The following SATB1 variants were observed in gnomAD, a reference collection of about 807,000 sequenced individuals.
SATB1 encodes DNA-binding protein SATB1.
A neutral mutation model predicts 86.9 loss-of-function variants in SATB1; 11 were observed. That is an observed-to-expected ratio of 0.13 (90% confidence interval 0.08 to 0.21). The LOEUF is 0.21. Among genes scored for constraint, SATB1 ranks in the 10% least tolerant of loss-of-function variants. The pLI, the probability that SATB1 is intolerant of heterozygous loss-of-function variation, is 1.00. For synonymous variants in SATB1, 357 were observed against 357.2 expected (o/e 1.00, Z 0.01); for missense variants, 551 against 937.6 (o/e 0.59, Z 5.39).
chr3:18,439,453 G>A (rs1220849005), upstream of SATB1, among the ~76,000 whole-genome samples: 1 of 151,900 alleles, frequency 6.6e-6, no homozygotes, highest in East Asian at 1.9e-4. Context: ...AAAATAAACA[G>A]CAAAAGATAC....
At chr3:18,436,746 C>T (rs1166126615) in intron 2 of SATB1, 2 of 152,176 alleles carry the variant, frequency 1.3e-5, no homozygotes, top group Non-Finnish European at 2.9e-5. Flanking sequence ...ATAACACAGA[C>T]ATACCTTATT....
chr3:18,359,069 A>G (rs972500439), intron 9 of SATB1, among the ~76,000 whole-genome samples: 4 of 152,068 alleles, frequency 2.6e-5, no homozygotes, highest in African/African-American at 9.7e-5. Flanking sequence ...AGGAATACTC[A>G]CAGTCACTGG....
At position 18,394,837 on chromosome 3, in the gene SATB1, G is replaced by A; in HGVS notation, c.831C>T (p.Asn277=). The A allele has an allele frequency of 6.2e-7, 1 of 1,614,078 alleles. No individual in the cohort carries two copies. Among genetic ancestry groups the A allele is most frequent in the Non-Finnish European group, 8.5e-7 (1 of 1,180,006 alleles). The change falls in exon 7 of 11, where the codon AAC becomes AAT. Residue 277 remains asparagine, a synonymous_variant. Coordinates refer to ENST00000338745, the MANE Select transcript of SATB1 (RefSeq NM_002971.6). This position sits in a 1 kb window ranked among gnomAD's most constrained non-coding sequence, Gnocchi z 5.9. ...CAGGGGATGGAGGCTGCTCGGCTGT[G>A]TTCCCTGGAACTGGTTGCTGGCCAA... ...VNFGQQPVPG[N]TAEQPPSPAQ...
At chr3:18,445,151 G>A (rs1402496661) in intron 1 of SATB1, 2 of 898,966 alleles carry the variant, frequency 2.2e-6, no homozygotes, top group Non-Finnish European at 2.7e-6. Flanking sequence ...GAGCTTGTGC[G>A]GCGCGGGCTG....
chr3:18,405,102 C>T (rs967217731), intron 5 of SATB1, among the ~76,000 whole-genome samples: 1 of 151,934 alleles, frequency 6.6e-6, no homozygotes. Context: ...CCATTGGCAT[C>T]CTGCTTATGA....
chr3:18,379,836 G>A (rs1388310691), intron 8 of SATB1, among the ~76,000 whole-genome samples: 1 of 152,192 alleles, frequency 6.6e-6, no homozygotes, highest in Non-Finnish European at 1.5e-5. Context: ...CAGCAGGTAA[G>A]GCAGGACAGG....
At chr3:18,415,016 C>T (rs1344456239) in intron 5 of SATB1, 95 bp downstream of exon 5, 3 of 1,418,968 alleles carry the variant, frequency 2.1e-6, no homozygotes, top group Non-Finnish European at 2.9e-6. Context: ...ATTCTTGCTT[C>T]AGATACCAGT....
chr3:18,375,611 TTG>T (rs2125181232), intron 9 of SATB1, among the ~76,000 whole-genome samples: 1 of 151,760 alleles, frequency 6.6e-6, no homozygotes, highest in Non-Finnish European at 1.5e-5. Context: ...GGTTTTTTTG[TTG>T]TTGTTGTTAG....
chr3:18,359,402 T>C (rs1338437922), intron 9 of SATB1, among the ~76,000 whole-genome samples: 1 of 151,832 alleles, frequency 6.6e-6, no homozygotes, highest in Non-Finnish European at 1.5e-5. Flanking sequence ...GGAATGAACA[T>C]AAAAGTATAA....
chr3:18,411,691 C>G (rs2125150602), intron 5 of SATB1, among the ~76,000 whole-genome samples: 2 of 151,962 alleles, frequency 1.3e-5, no homozygotes, highest in South Asian at 4.2e-4. Flanking sequence ...CTAACCACAT[C>G]CACCGAAAAA....
At chr3:18,426,912 G>A (rs1392036653), upstream of SATB1, among the ~76,000 whole-genome samples, 1 of 152,180 alleles carries the variant, frequency 6.6e-6, no homozygotes, top group Non-Finnish European at 1.5e-5. The surrounding 1 kb of genome is among the most constrained non-coding windows in gnomAD (Gnocchi z 4.2). Context: ...CCTCCTAGGG[G>A]AGAGTAAGTT....
rs531918359 is a variant in SATB1, at chr3:18,382,002, C to A, written c.1420-3677G>T. 2.6e-5 allele frequency among the ~76,000 whole-genome samples: 4 copies of A among 152,214 alleles called. No homozygotes were observed. In the South Asian group the frequency reaches 6.2e-4, roughly 24 times the overall value. On this transcript the variant is annotated intron_variant, in intron 8 of 10. Transcript: ENST00000338745. ...GGGATGCATTTTATAACCACATAAG[C>A]AACATCTTAAAATGATCTTCAAGGG...
At chr3:18,387,791 T>C (rs1302494990) in intron 7 of SATB1, among the ~76,000 whole-genome samples, 1 of 152,156 alleles carries the variant, frequency 6.6e-6, no homozygotes, top group Non-Finnish European at 1.5e-5. Context: ...TAAAGGTATA[T>C]TGGGGGAAGG....
chr3:18,417,639 C>G, intron 2 of SATB1: 1 of 697,790 alleles, frequency 1.4e-6, no homozygotes, highest in Non-Finnish European at 2.6e-6. Context: ...GATATTAGCT[C>G]TAACTGGTTC....
intron 8 of SATB1, among the ~76,000 whole-genome samples, chr3:18,381,077 T>C (rs1227485672): frequency 1.3e-5 from 2 of 152,198 alleles, no homozygotes; most frequent in African/African-American, 2.4e-5. Context: ...GCCGGGGAAG[T>C]AGTTAAGAAT....
intron 6 of SATB1, 43 bp downstream of exon 6, chr3:18,397,136 C>G (rs746327382): frequency 2.8e-6 from 3 of 1,057,564 alleles, no homozygotes; most frequent in South Asian, 2.5e-5. Flanking sequence ...CCAAATGACA[C>G]GTAATGGTAT....
At chr3:18,377,346 G>A (rs1255130807) in intron 9 of SATB1, among the ~76,000 whole-genome samples, 1 of 152,088 alleles carries the variant, frequency 6.6e-6, no homozygotes, top group African/African-American at 2.4e-5. Flanking sequence ...CTTTTTCAAG[G>A]GGGAAAAGAG....
intron 9 of SATB1, among the ~76,000 whole-genome samples, chr3:18,366,870 T>C (rs1472805836): frequency 6.6e-5 from 10 of 152,178 alleles, no homozygotes. Context: ...CTTTTCCGCC[T>C]ACCCCCCAAA....
chr3:18,406,632 G>A (rs1245489942), intron 5 of SATB1, among the ~76,000 whole-genome samples: 3 of 152,018 alleles, frequency 2.0e-5, no homozygotes, highest in African/African-American at 7.2e-5. Context: ...TGAGTTCCCT[G>A]TAACTCCAAG....
Sources: allele counts gnomAD v4.1 joint callset (sites outside exome capture counted in the v4.1 genomes callset), GRCh38; gene constraint gnomAD v4.1.1; non-coding constraint Gnocchi (gnomAD v3.1); transcripts MANE v1.5; gene names NCBI Gene and HGNC (gene_info 2026-07-23, HGNC 2026-07-21).